The following LRFN2 variants were observed in gnomAD, a reference collection of about 807,000 sequenced individuals.
The protein encoded by LRFN2 is leucine-rich repeat and fibronectin type-III domain-containing protein 2.
In LRFN2, 18 loss-of-function variants were observed where a neutral mutation model predicts 37.3. The ratio of observed to expected loss-of-function variants is 0.48; its 90% CI spans 0.33 to 0.72. LRFN2 has a LOEUF of 0.72. LRFN2 is among the 30% of genes least tolerant of loss of function. The pLI, the probability that LRFN2 is intolerant of heterozygous loss-of-function variation, is 0.02. For missense variants in LRFN2, 1,006 were observed against 1,060.7 expected, an observed-to-expected ratio of 0.95 and a Z score of 0.72; for synonymous variants, 556 against 466.6, an observed-to-expected ratio of 1.19 and a Z score of -2.47.
At chr6:40,521,684 G>GTTCTAGC in intron 1 of LRFN2, among the ~76,000 whole-genome samples, 1 of 152,160 alleles carries the variant, frequency 6.6e-6, no homozygotes, top group South Asian at 2.1e-4. Context: ...AGACAAGGAG[G>GTTCTAGC]TTCTAGCTCA....
chr6:40,500,775 A>T (rs1219496818), intron 1 of LRFN2, among the ~76,000 whole-genome samples: 1 of 152,208 alleles, frequency 6.6e-6, no homozygotes, highest in African/African-American at 2.4e-5. Flanking sequence ...GCCTCTAAGG[A>T]AAACAGTGGG....
At chr6:40,494,546 C>G (rs990868689) in intron 1 of LRFN2, among the ~76,000 whole-genome samples, 3 of 152,160 alleles carry the variant, frequency 2.0e-5, no homozygotes, top group Non-Finnish European at 4.4e-5. Context: ...CTCCCTGTCT[C>G]TCTCCACAAC....
chr6:40,456,426 G>A (rs1174406321), intron 1 of LRFN2, among the ~76,000 whole-genome samples: 1 of 152,212 alleles, frequency 6.6e-6, no homozygotes, highest in Non-Finnish European at 1.5e-5. Context: ...ACCCAGGTAT[G>A]TCGATGACAT....
chr6:40,425,397 G>A (rs1431950223), intron 2 of LRFN2, among the ~76,000 whole-genome samples: 1 of 152,202 alleles, frequency 6.6e-6, no homozygotes, highest in Non-Finnish European at 1.5e-5. Flanking sequence ...AGATGTTCTT[G>A]ACAACTCTTA....
chr6:40,541,729 C>T (rs2436754), intron 1 of LRFN2, among the ~76,000 whole-genome samples: 6,310 of 152,262 alleles, frequency 0.041, 435 homozygotes, highest in African/African-American at 0.14. Flanking sequence ...CAGCTGCCGC[C>T]CGTGGGAATG....
intron 1 of LRFN2, among the ~76,000 whole-genome samples, chr6:40,522,765 T>C (rs1766120942): frequency 6.6e-6 from 1 of 152,138 alleles, no homozygotes; most frequent in Non-Finnish European, 1.5e-5. Context: ...ACCAGGCAGC[T>C]GCATCTATGT....
In LRFN2 at chr6:40,565,367, C is replaced by A. The variant is rs200138274; in HGVS notation, c.-19+21574G>T. Among the ~76,000 whole-genome samples the A allele has an allele frequency of 7.9e-3, 1,194 of 151,736 alleles. 94 individuals are homozygous for A. The East Asian group carries it at 0.18, about 23-fold the overall frequency. On this transcript the variant is annotated intron_variant, in intron 1 of 2. Coordinates refer to ENST00000338305, the MANE Select transcript of LRFN2 (RefSeq NM_020737.3). ...TCAAGCTACCAATGACTTTCTTCAC[C>A]GAATTGGAAAAAACTACTTTAAAGT...
At chr6:40,525,476 G>A (rs572596273) in intron 1 of LRFN2, among the ~76,000 whole-genome samples, 1 of 152,260 alleles carries the variant, frequency 6.6e-6, no homozygotes, top group Admixed American at 6.5e-5. Context: ...TCAATGAAAC[G>A]TCATGTACAG....
chr6:40,392,631 T>C lies in LRFN2; in HGVS notation c.1682A>G (p.Asn561Ser). Reference protein sequence around the residue: ...VILMVRYKVCNHEAPSKMAAA... With the variant: ...VILMVRYKVCSHEAPSKMAAA... The stretch of plus-strand genomic sequence containing the variant: ...TGCCATCTTGCTGGGGGCCTCGTGG[T>C]TGCAGACCTTGTAGCGCACCATGAG... Residue 561 changes from asparagine to serine, a missense_variant, in exon 3 of 3, where the codon AAC (asparagine) becomes AGC (serine). Coordinates refer to ENST00000338305, the MANE Select transcript of LRFN2 (RefSeq NM_020737.3). This position sits in a 1 kb window ranked among gnomAD's most constrained non-coding sequence, Gnocchi z 4.7. The C allele has an allele frequency of 3.1e-6, 5 of 1,611,894 alleles. No individual in the cohort carries two copies. The highest frequency in any genetic ancestry group is 4.2e-6 in the Non-Finnish European group (5 of 1,179,988).
chr6:40,547,357 A>C (rs1766685530), intron 1 of LRFN2, among the ~76,000 whole-genome samples: 1 of 152,048 alleles, frequency 6.6e-6, no homozygotes. Context: ...TGCCCACCTT[A>C]GCCTCCCAAA....
At chr6:40,571,553 C>T (rs1358872373) in intron 1 of LRFN2, among the ~76,000 whole-genome samples, 1 of 152,180 alleles carries the variant, frequency 6.6e-6, no homozygotes, top group Non-Finnish European at 1.5e-5. Flanking sequence ...CCAGAGTCCT[C>T]CCAAAGTAGC....
At chr6:40,413,284 T>C (rs1461296260) in intron 2 of LRFN2, among the ~76,000 whole-genome samples, 1 of 152,228 alleles carries the variant, frequency 6.6e-6, no homozygotes, top group Non-Finnish European at 1.5e-5. Context: ...GTGATCTATC[T>C]GTTGTTCCCT....
chr6:40,399,287 C>T (rs1161408763), intron 2 of LRFN2, among the ~76,000 whole-genome samples: 1 of 151,480 alleles, frequency 6.6e-6, no homozygotes, highest in South Asian at 2.1e-4. Flanking sequence ...CCAGCTGTTG[C>T]TAATCTCTAT....
At position 40,521,442 on chromosome 6, in the gene LRFN2, C is replaced by T. The variant is rs1204454248; in HGVS notation, c.-19+65499G>A. 5.2e-5 allele frequency among the ~76,000 whole-genome samples: 8 copies of T among 152,386 alleles called. No homozygotes were observed. The East Asian group carries it at 1.2e-3, about 22-fold the overall frequency. On this transcript the variant is annotated intron_variant, in intron 1 of 2. Coordinates refer to ENST00000338305, the MANE Select transcript of LRFN2 (RefSeq NM_020737.3). ...AATGTGCAGAGCTTTCTAATACTAA[C>T]AGCCTGTTATTAAAATCAAGTGCTA...
intron 1 of LRFN2, among the ~76,000 whole-genome samples, chr6:40,532,133 C>G (rs1215106463): frequency 6.6e-6 from 1 of 152,238 alleles, no homozygotes; most frequent in Non-Finnish European, 1.5e-5. Context: ...GCTGCAGGCT[C>G]TCTCAAGCCT....
intron 1 of LRFN2, among the ~76,000 whole-genome samples, chr6:40,552,408 C>T (rs1287787217): frequency 6.6e-6 from 1 of 152,188 alleles, no homozygotes; most frequent in Non-Finnish European, 1.5e-5. Context: ...GCTTCTGCCC[C>T]GTGAACCACC....
At chr6:40,427,595 C>T (rs1356839000) in intron 2 of LRFN2, among the ~76,000 whole-genome samples, 1 of 152,234 alleles carries the variant, frequency 6.6e-6, no homozygotes, top group Non-Finnish European at 1.5e-5. Context: ...GGTTCAATGA[C>T]TTGGCAGGAT....
chr6:40,471,560 AGTGGAGCTACCTGG>A (rs1764595682), intron 1 of LRFN2, among the ~76,000 whole-genome samples: 1 of 152,126 alleles, frequency 6.6e-6, no homozygotes, highest in Admixed American at 6.5e-5. Context: ...GCTTTTGAGG[AGTGGAGCTACCTGG>A]GGTGGCTCAC....
At chr6:40,393,018 A>C in intron 2 of LRFN2, 106 bp from the exon 3 acceptor site, 5 of 426,262 alleles carry the variant, frequency 1.2e-5, no homozygotes, top group African/African-American at 3.0e-5. Context: ...GGGGAGGGGG[A>C]GGGGAGGGAG....
Sources: allele counts gnomAD v4.1 joint callset (sites outside exome capture counted in the v4.1 genomes callset), GRCh38; gene constraint gnomAD v4.1.1; non-coding constraint Gnocchi (gnomAD v3.1); transcripts MANE v1.5; gene names NCBI Gene and HGNC (gene_info 2026-07-23, HGNC 2026-07-21).